Variants in PLEKHA5 observed in about 807,000 individuals in gnomAD.
PLEKHA5 encodes pleckstrin homology domain-containing family A member 5.
Under a neutral mutation model 181.9 loss-of-function variants are expected in PLEKHA5, and 55 were observed. The observed-to-expected ratio is 0.30, with a 90% CI of 0.24 to 0.38. The LOEUF (loss-of-function observed/expected upper bound fraction) is 0.38, where lower values mean the gene tolerates loss of function less well. Among genes scored for constraint, PLEKHA5 ranks in the 10% least tolerant of loss-of-function variants. PLEKHA5 has a pLI of 1.00. For missense variants in PLEKHA5, 1,432 were observed against 1,549.5 expected (o/e 0.92, Z 1.27); for synonymous variants, 535 against 529.4 (o/e 1.01, Z -0.15).
At chr12:19,334,916 G>A (rs866699428) in intron 20 of PLEKHA5, among the ~76,000 whole-genome samples, 1 of 52,258 alleles carries the variant, frequency 1.9e-5, no homozygotes, top group Admixed American at 2.1e-4. Flanking sequence ...GCATAGGGGT[G>A]ATGGCACACA....
intron 11 of PLEKHA5, among the ~76,000 whole-genome samples, chr12:19,281,499 C>T (rs371557151): frequency 1.3e-5 from 2 of 151,914 alleles, no homozygotes; most frequent in South Asian, 2.1e-4. Context: ...ATCACTCGAA[C>T]CTGAGAGGCG....
In PLEKHA5 at chr12:19,229,395, C is replaced by T. The variant is rs565797118; in HGVS notation, c.228-24545C>T. ...GTTCCTTCTGATGTTCAGATGTGTT[C>T]GGAGTTTCTTCCTTCTGGTGGGCTC... On this transcript the variant is annotated intron_variant, in intron 3 of 31. Transcript: ENST00000429027. Among the ~76,000 whole-genome samples the T allele has an allele frequency of 1.4e-3, 210 of 152,178 alleles. 6 individuals carry two copies. In the South Asian group the frequency reaches 0.023, roughly 17 times the overall value.
At chr12:19,275,801 T>C (rs148703605) in intron 11 of PLEKHA5, among the ~76,000 whole-genome samples, 6 of 152,316 alleles carry the variant, frequency 3.9e-5, no homozygotes, top group African/African-American at 1.2e-4. Flanking sequence ...TATATGAGCA[T>C]TTATTCATTT....
At chr12:19,302,594 A>G (rs11044482) in intron 15 of PLEKHA5, among the ~76,000 whole-genome samples, 11 of 151,926 alleles carry the variant, frequency 7.2e-5, no homozygotes, top group South Asian at 4.2e-4. Context: ...ATGGGGTTTC[A>G]CCATGTTAGC....
intron 11 of PLEKHA5, among the ~76,000 whole-genome samples, chr12:19,276,857 T>G (rs771084564): frequency 5.3e-5 from 8 of 152,216 alleles, no homozygotes; most frequent in Non-Finnish European, 1.0e-4. Context: ...TTTCAAAACA[T>G]GTTGTTCACC....
At chr12:19,364,633 G>A (rs2095365732) in intron 29 of PLEKHA5, among the ~76,000 whole-genome samples, 1 of 152,046 alleles carries the variant, frequency 6.6e-6, no homozygotes, top group Non-Finnish European at 1.5e-5. Flanking sequence ...TTATATGAAT[G>A]GGTCAACCCA....
intron 30 of PLEKHA5, among the ~76,000 whole-genome samples, chr12:19,366,584 C>T (rs2095429597): frequency 6.6e-6 from 1 of 152,078 alleles, no homozygotes; most frequent in African/African-American, 2.4e-5. Context: ...ACCCCAGAGG[C>T]GGAGGTTGCA....
At position 19,274,958 on chromosome 12, in the gene PLEKHA5, A is replaced by T; in HGVS notation, c.1288A>T (p.Arg430Trp). The T allele has an allele frequency of 6.2e-7, 1 of 1,609,762 alleles. No homozygotes were observed. The highest frequency in any genetic ancestry group is 1.1e-5 in the South Asian group (1 of 91,032). The change falls in exon 11 of 32, where the codon AGG (arginine) becomes TGG (tryptophan). Residue 430 changes from arginine to tryptophan, a missense_variant. Around this residue, in one of 2 missense-constraint regions of PLEKHA5, gnomAD observed 1,143 missense variants for 1,168.4 expected, o/e 0.98. Transcript: ENST00000429027. ...LEQWIKIQKGRGHEEETRGVI... is the reference protein window; with the variant it reads ...LEQWIKIQKGWGHEEETRGVI... ...ACAGTGGATTAAAATCCAGAAGGGG[A>T]GGGGTCATGAAGAAGAAACCAGGGG...
intron 11 of PLEKHA5, among the ~76,000 whole-genome samples, chr12:19,280,690 A>G (rs1413745432): frequency 6.6e-6 from 1 of 151,736 alleles, no homozygotes; most frequent in African/African-American, 2.4e-5. Context: ...ATGCCTATGG[A>G]GATGATTGTA....
In PLEKHA5 at chr12:19,251,485, G is replaced by A. The variant is rs139914276; in HGVS notation, c.228-2455G>A. Among the ~76,000 whole-genome samples, 586 of 151,980 alleles carry A rather than the reference G, an allele frequency of 3.9e-3. 3 individuals carry two copies. The highest frequency in any genetic ancestry group is 0.014 in the African/African-American group (566 of 41,476). On this transcript the variant is annotated intron_variant, in intron 3 of 31. Transcript: ENST00000429027. ...ATAGGTGTGTTTCATAAAACAGGCA[G>A]TGAACTGAAGTAGCTGGTACATGTT...
At chr12:19,282,576 A>G (rs2076410906) in intron 11 of PLEKHA5, among the ~76,000 whole-genome samples, 1 of 152,218 alleles carries the variant, frequency 6.6e-6, no homozygotes, top group Non-Finnish European at 1.5e-5. Flanking sequence ...TTTATGCTCT[A>G]TGGGTATAAC....
intron 3 of PLEKHA5, among the ~76,000 whole-genome samples, chr12:19,214,109 G>A (rs1013903344): frequency 6.6e-6 from 1 of 152,158 alleles, no homozygotes; most frequent in African/African-American, 2.4e-5. Flanking sequence ...AATGAAGTAG[G>A]TTTGGAGGTA....
chr12:19,195,693 A>G (rs1247785899), intron 3 of PLEKHA5, among the ~76,000 whole-genome samples: 3 of 151,630 alleles, frequency 2.0e-5, no homozygotes, highest in Admixed American at 6.6e-5. Context: ...AAAAAAAAAA[A>G]AAAGTGAAAG....
chr12:19,268,152 C>G (rs2071182903), intron 8 of PLEKHA5, among the ~76,000 whole-genome samples: 1 of 151,912 alleles, frequency 6.6e-6, no homozygotes, highest in African/African-American at 2.4e-5. Flanking sequence ...ACAGTATAAA[C>G]CAGAGAAACA....
rs550156624 is a variant in PLEKHA5 at position 19,327,250 on chromosome 12, T to G, written c.2448+4583T>G. Reference sequence around the variant, plus strand: ...AGTCTTGCCAGCATCTGTTTTTGTTTTTTTTTTTTTTTTTACTTTTTAATA... The same window carrying G: ...AGTCTTGCCAGCATCTGTTTTTGTTGTTTTTTTTTTTTTTACTTTTTAATA... On this transcript the variant is annotated intron_variant, in intron 20 of 31. Coordinates refer to ENST00000429027, the MANE Select transcript of PLEKHA5 (RefSeq NM_001256470.2). Among the ~76,000 whole-genome samples the G allele has an allele frequency of 4.8e-3, 713 of 149,930 alleles. 3 individuals are homozygous for G. Among genetic ancestry groups the G allele is most frequent in the African/African-American group, 0.017 (692 of 41,180 alleles).
chr12:19,360,676 TAATC>T (rs1262090517), intron 28 of PLEKHA5, among the ~76,000 whole-genome samples: 1 of 152,092 alleles, frequency 6.6e-6, no homozygotes, highest in African/African-American at 2.4e-5. Context: ...ATTTAAAACA[TAATC>T]AGTCACAGCT....
At chr12:19,138,952 G>A (rs1325102473) in intron 3 of PLEKHA5, among the ~76,000 whole-genome samples, 12 of 152,066 alleles carry the variant, frequency 7.9e-5, no homozygotes, top group African/African-American at 1.7e-4. Context: ...TTAGTATAGC[G>A]TTAATTATGC....
chr12:19,165,427 T>C (rs1013803986), intron 3 of PLEKHA5, among the ~76,000 whole-genome samples: 34 of 150,960 alleles, frequency 2.3e-4, no homozygotes, highest in Non-Finnish European at 1.2e-4. Flanking sequence ...ACCTCTTTTC[T>C]GTGTACTCTA....
intron 3 of PLEKHA5, among the ~76,000 whole-genome samples, chr12:19,141,888 A>G (rs1332502198): frequency 6.6e-6 from 1 of 152,172 alleles, no homozygotes; most frequent in African/African-American, 2.4e-5. Context: ...CTTGAGTAAT[A>G]TTGCCAATGC....
Sources: gnomAD v4.1 joint callset for allele counts (sites outside exome capture counted in the v4.1 genomes callset) on GRCh38, gnomAD v4.1.1 for gene constraint, gnomAD v4.1.1 regional missense constraint, MANE v1.5 for transcripts, NCBI Gene and HGNC (gene_info 2026-07-23, HGNC 2026-07-21) for gene names.